MTERF4: variants seen among roughly 807,000 people sequenced by gnomAD.
MTERF4 encodes transcription termination factor 4, mitochondrial.
In MTERF4, 17 loss-of-function variants were observed where a neutral mutation model predicts 22.5. That is an observed-to-expected ratio of 0.75 (90% CI 0.52 to 1.13). The LOEUF is 1.13. Ranked by LOEUF, MTERF4 falls within the 50% of genes most tolerant of loss-of-function variation. The pLI is 0.00. For missense variants in MTERF4, 420 were observed against 466.8 expected (o/e 0.90, Z 0.92); for synonymous variants, 165 against 175.3 (o/e 0.94, Z 0.47).
exon 5 of MTERF4, chr2:241,074,708 G>A (rs928729643): frequency 2.6e-5 from 4 of 152,172 alleles, no homozygotes; most frequent in Admixed American, 6.5e-5. Context: ...ATGGCCCCTC[G>A]ATGCGCAAAG....
At chr2:241,088,292 G>T, downstream of MTERF4, 1 of 1,074,712 alleles carries the variant, frequency 9.3e-7, no homozygotes, top group South Asian at 1.3e-5. Context: ...CAGGCAGCCT[G>T]GACTGAGGTA....
chr2:241,097,820 C>T (rs1162735708), intron 2 of MTERF4, among the ~76,000 whole-genome samples: 1 of 152,150 alleles, frequency 6.6e-6, no homozygotes, highest in African/African-American at 2.4e-5. Flanking sequence ...GTTGATGTTT[C>T]CTTCTATAAT....
At chr2:241,053,254 A>G in the MTERF4 span, 5 of 1,606,354 alleles carry the variant, frequency 3.1e-6, no homozygotes, top group Admixed American at 5.0e-5. Context: ...CCGTGGCTAC[A>G]GCCTGAGCGC....
chr2:241,099,997 A>G, intron 1 of MTERF4, 103 bp from the exon 2 acceptor site: 1 of 1,389,976 alleles, frequency 7.2e-7, no homozygotes, highest in Non-Finnish European at 9.5e-7. Flanking sequence ...GGTTCCACAC[A>G]AACATACAAT....
At chr2:241,054,816 A>G in the MTERF4 span, among the ~76,000 whole-genome samples, 25 of 152,326 alleles carry the variant, frequency 1.6e-4, no homozygotes, top group African/African-American at 4.8e-4. Flanking sequence ...AGATAAATAA[A>G]TAAAAAAGAA....
downstream of MTERF4, among the ~76,000 whole-genome samples, chr2:241,090,636 G>T (rs967295728): frequency 1.3e-5 from 2 of 152,152 alleles, no homozygotes; most frequent in Non-Finnish European, 2.9e-5. Flanking sequence ...GGAGGCCGAG[G>T]CCGGCGGATC....
downstream of MTERF4, among the ~76,000 whole-genome samples, chr2:241,068,703 G>A (rs1033305626): frequency 3.3e-5 from 5 of 152,038 alleles, no homozygotes; most frequent in African/African-American, 4.8e-5. The surrounding 1 kb of genome is among the most constrained non-coding windows in gnomAD (Gnocchi z 5.3). Context: ...ATCCTCCTCC[G>A]CTGCCCGGAC....
chr2:241,098,523 T>C (rs16843262), intron 2 of MTERF4, among the ~76,000 whole-genome samples: 16,171 of 152,162 alleles, frequency 0.11, 953 homozygotes, highest in East Asian at 0.21. Flanking sequence ...TCAAGGAACT[T>C]TGAGCATCCT....
At position 241,079,507 on chromosome 2, in the gene MTERF4, A is replaced by G. The variant is rs535959876; in HGVS notation, n.480-3825T>C. Reference sequence around the variant, plus strand: ...GAAGGGAAATACAAATTTTGTCCTCATTTTAATAAAGAAATGAAACTAATA... The same window carrying G: ...GAAGGGAAATACAAATTTTGTCCTCGTTTTAATAAAGAAATGAAACTAATA... On this transcript the variant is annotated intron_variant and non_coding_transcript_variant, in intron 4 of 4. Coordinates refer to the MTERF4 transcript ENST00000464344. Among the ~76,000 whole-genome samples, 33 of 152,228 alleles carry G rather than the reference A, an allele frequency of 2.2e-4. 1 individual carries two copies. Among genetic ancestry groups the G allele is most frequent in the African/African-American group, 7.9e-4 (33 of 41,524 alleles).
At chr2:241,049,882 T>C in the MTERF4 span, 5 of 1,613,702 alleles carry the variant, frequency 3.1e-6, no homozygotes, top group African/African-American at 1.3e-5. Flanking sequence ...CCATGACGAC[T>C]CCTACACCTG....
chr2:241,084,857 T>C (rs2063505061), downstream of MTERF4, among the ~76,000 whole-genome samples: 1 of 152,206 alleles, frequency 6.6e-6, no homozygotes, highest in Non-Finnish European at 1.5e-5. Flanking sequence ...TATTTTTTTT[T>C]CACCTTCATT....
chr2:241,101,994 A>T (rs1258117358), intron 1 of MTERF4: 1 of 555,194 alleles, frequency 1.8e-6, no homozygotes, highest in African/African-American at 2.0e-5. Flanking sequence ...CGGAGGTTGC[A>T]GTGAGCCGAG....
chr2:241,069,808 G>T (rs1219468093), downstream of MTERF4: 2 of 1,256,616 alleles, frequency 1.6e-6, no homozygotes, highest in Admixed American at 2.1e-5. The surrounding 1 kb of genome is among the most constrained non-coding windows in gnomAD (Gnocchi z 4.9). Flanking sequence ...CCATAATAAA[G>T]AATCTGGCTT....
chr2:241,066,392 G>A, the MTERF4 span, among the ~76,000 whole-genome samples: 5 of 152,324 alleles, frequency 3.3e-5, no homozygotes, highest in South Asian at 2.1e-4. Context: ...GGGCAGGGCC[G>A]GAAGAAAGCA....
downstream of MTERF4, among the ~76,000 whole-genome samples, chr2:241,069,753 G>A (rs2062622407): frequency 1.3e-5 from 2 of 152,084 alleles, no homozygotes; most frequent in Admixed American, 6.5e-5. The surrounding 1 kb of genome is among the most constrained non-coding windows in gnomAD (Gnocchi z 4.9). Flanking sequence ...GGAAGATTGT[G>A]CTGTACGTGC....
At chr2:241,065,236 G>C in the MTERF4 span, 1 of 1,564,138 alleles carries the variant, frequency 6.4e-7, no homozygotes, top group Non-Finnish European at 8.7e-7. Context: ...GCCGACGGGA[G>C]CCAGGCATGC....
chr2:241,054,883 G>A, the MTERF4 span, among the ~76,000 whole-genome samples: 3 of 152,284 alleles, frequency 2.0e-5, no homozygotes, highest in South Asian at 2.1e-4. Context: ...TTGGGAGGCC[G>A]AGGCAGGTGG....
At chr2:241,088,420 C>T (rs755648416), downstream of MTERF4, 1 of 1,603,402 alleles carries the variant, frequency 6.2e-7, no homozygotes, top group Admixed American at 1.7e-5. Flanking sequence ...CCTGCTGCTC[C>T]CGCCCCACTA....
At chr2:241,090,079 T>G, downstream of MTERF4, 1 of 1,511,946 alleles carries the variant, frequency 6.6e-7, no homozygotes, top group Non-Finnish European at 8.8e-7. Context: ...TTACTGTAAC[T>G]TTTTTACTTT....
Sources: gnomAD v4.1 joint callset for allele counts (sites outside exome capture counted in the v4.1 genomes callset) on GRCh38, gnomAD v4.1.1 for gene constraint, Gnocchi (gnomAD v3.1) non-coding constraint, MANE v1.5 for transcripts, NCBI Gene and HGNC (gene_info 2026-07-23, HGNC 2026-07-21) for gene names.